HMBOX1: variants seen among roughly 807,000 people sequenced by gnomAD.
The protein encoded by HMBOX1 is homeobox containing 1, also known as homeobox-containing protein 1.
Under a neutral mutation model 54.5 loss-of-function variants are expected in HMBOX1, and 14 were observed. That is an observed-to-expected ratio of 0.26 (90% CI 0.17 to 0.40). HMBOX1 has a LOEUF of 0.40. Ranked by LOEUF, HMBOX1 falls within the 10% of genes least tolerant of loss-of-function variation. The probability of loss-of-function intolerance (pLI) is 1.00; values close to 1 mark genes in which losing one functional copy is unlikely to be tolerated. For missense variants in HMBOX1, 332 were observed against 514.4 expected, an observed-to-expected ratio of 0.65 and a Z score of 3.43; for synonymous variants, 160 against 181.0, an observed-to-expected ratio of 0.88 and a Z score of 0.93.
intron 1 of HMBOX1, among the ~76,000 whole-genome samples, chr8:28,906,872 G>A (rs527711594): frequency 2.6e-5 from 4 of 152,230 alleles, no homozygotes; most frequent in Non-Finnish European, 5.9e-5. Context: ...GATTACAGGC[G>A]TGAGCCACCA....
intron 9 of HMBOX1, chr8:29,050,708 GT>G (rs1806321536): frequency 6.7e-6 from 2 of 300,054 alleles, no homozygotes; most frequent in Admixed American, 9.5e-5. Context: ...CAAATTGTTG[GT>G]TTTATATCAA....
intron 1 of HMBOX1, among the ~76,000 whole-genome samples, chr8:28,917,298 C>G (rs1278518106): frequency 1.3e-5 from 2 of 151,908 alleles, no homozygotes; most frequent in African/African-American, 4.8e-5. Context: ...AGACTTATGC[C>G]TAAATATTTT....
intron 6 of HMBOX1, among the ~76,000 whole-genome samples, chr8:29,026,783 G>T (rs1373048893): frequency 7.9e-5 from 12 of 152,026 alleles, no homozygotes; most frequent in Non-Finnish European, 5.9e-5. Context: ...TTTTAATTTG[G>T]GTATATACTG....
At chr8:28,908,471 T>C (rs1290599866) in intron 1 of HMBOX1, among the ~76,000 whole-genome samples, 2 of 152,142 alleles carry the variant, frequency 1.3e-5, no homozygotes, top group African/African-American at 4.8e-5. Flanking sequence ...ATATGGGTTA[T>C]GGGCCAGGTG....
At chr8:28,899,873 A>G (rs1405628608) in intron 1 of HMBOX1, among the ~76,000 whole-genome samples, 1 of 152,188 alleles carries the variant, frequency 6.6e-6, no homozygotes, top group Non-Finnish European at 1.5e-5. Context: ...GGGGAGTCAC[A>G]GAGTTCTAAG....
chr8:28,901,224 T>G (rs1813177543), intron 1 of HMBOX1, among the ~76,000 whole-genome samples: 1 of 152,174 alleles, frequency 6.6e-6, no homozygotes, highest in South Asian at 2.1e-4. Flanking sequence ...AAATAATCCC[T>G]TTCTGGCTAA....
intron 1 of HMBOX1, among the ~76,000 whole-genome samples, chr8:28,958,547 T>A (rs1824886571): frequency 6.6e-6 from 1 of 152,196 alleles, no homozygotes; most frequent in East Asian, 1.9e-4. Context: ...ATGAACAGCT[T>A]CCTTCCCATT....
chr8:28,975,994 A>T (rs1364286827), intron 3 of HMBOX1, among the ~76,000 whole-genome samples: 1 of 152,234 alleles, frequency 6.6e-6, no homozygotes, highest in Non-Finnish European at 1.5e-5. Flanking sequence ...AGTTTGAACA[A>T]CAAAGCTAAC....
intron 4 of HMBOX1, among the ~76,000 whole-genome samples, chr8:29,007,521 T>C (rs1203470818): frequency 3.3e-5 from 5 of 152,090 alleles, no homozygotes; most frequent in African/African-American, 1.2e-4. Context: ...CCTTTTGAAA[T>C]TGAAAGATTT....
At chr8:28,927,031 T>TA (rs1358230515) in intron 1 of HMBOX1, among the ~76,000 whole-genome samples, 1 of 152,036 alleles carries the variant, frequency 6.6e-6, no homozygotes, top group Non-Finnish European at 1.5e-5. Context: ...TAATGGGTAC[T>TA]AAAAAAATAG....
At chr8:29,028,739 A>T (rs1406090653) in intron 6 of HMBOX1, among the ~76,000 whole-genome samples, 1 of 152,178 alleles carries the variant, frequency 6.6e-6, no homozygotes, top group Non-Finnish European at 1.5e-5. Flanking sequence ...TGATGATATG[A>T]TGATCTGCAG....
At chr8:28,919,509 C>T (rs371241092) in intron 1 of HMBOX1, among the ~76,000 whole-genome samples, 2 of 151,996 alleles carry the variant, frequency 1.3e-5, no homozygotes, top group East Asian at 1.9e-4. Context: ...GTATTTATTG[C>T]GTTACAGATA....
At chr8:28,932,771 A>G (rs1459569657) in intron 1 of HMBOX1, among the ~76,000 whole-genome samples, 1 of 152,192 alleles carries the variant, frequency 6.6e-6, no homozygotes, top group Non-Finnish European at 1.5e-5. Context: ...CTTCCTCAGG[A>G]GCTGCATTTA....
At chr8:28,975,418 A>T (rs1431912729) in intron 3 of HMBOX1, among the ~76,000 whole-genome samples, 1 of 152,204 alleles carries the variant, frequency 6.6e-6, no homozygotes, top group African/African-American at 2.4e-5. Flanking sequence ...GTAAAAGGGG[A>T]TTCAACCAAC....
intron 1 of HMBOX1, among the ~76,000 whole-genome samples, chr8:28,922,368 A>G (rs1201861209): frequency 1.3e-5 from 2 of 152,198 alleles, no homozygotes; most frequent in Non-Finnish European, 2.9e-5. Context: ...GGTGGGACGG[A>G]GGGTGGTCCT....
At chr8:28,960,765 C>CTTTTTTTTTT (rs1162477676) in intron 1 of HMBOX1, among the ~76,000 whole-genome samples, 11 of 16,232 alleles carry the variant, frequency 6.8e-4, no homozygotes, top group South Asian at 4.0e-3. Context: ...TTTTCTTTTT[C>CTTTTTTTTTT]TTTTTTTTTT....
chr8:28,925,934 A>C (rs1818368269), intron 1 of HMBOX1, among the ~76,000 whole-genome samples: 3 of 152,170 alleles, frequency 2.0e-5, no homozygotes, highest in Admixed American at 2.0e-4. Context: ...TGATGGTTAA[A>C]TGATGTTTAT....
intron 6 of HMBOX1, among the ~76,000 whole-genome samples, chr8:29,039,811 G>C (rs1448385483): frequency 6.6e-6 from 1 of 152,048 alleles, no homozygotes; most frequent in African/African-American, 2.4e-5. Context: ...TGGTCCTAGG[G>C]TGGCCACATA....
At chr8:28,912,841 A>G (rs887525263) in intron 1 of HMBOX1, among the ~76,000 whole-genome samples, 2 of 152,126 alleles carry the variant, frequency 1.3e-5, no homozygotes, top group African/African-American at 4.8e-5. Context: ...TTTATACTAG[A>G]TATTTCTTTT....
Sources: allele counts gnomAD v4.1 joint callset (sites outside exome capture counted in the v4.1 genomes callset), GRCh38; gene constraint gnomAD v4.1.1; transcripts MANE v1.5; gene names NCBI Gene and HGNC (gene_info 2026-07-23, HGNC 2026-07-21).